Variants in CPNE2 observed in about 807,000 individuals in gnomAD.
CPNE2 encodes copine-2.
In CPNE2, 42 loss-of-function variants were observed where a neutral mutation model predicts 69.7. The ratio of observed to expected loss-of-function variants is 0.60; its 90% CI spans 0.47 to 0.78. The LOEUF is 0.78. Among genes scored for constraint, CPNE2 ranks in the 30% least tolerant of loss-of-function variants. The probability of loss-of-function intolerance (pLI) is 0.00; values close to 1 mark genes in which losing one functional copy is unlikely to be tolerated. For missense variants in CPNE2, 587 were observed against 732.0 expected, an observed-to-expected ratio of 0.80 and a Z score of 2.29; for synonymous variants, 294 against 289.8, an observed-to-expected ratio of 1.01 and a Z score of -0.15.
chr16:57,118,167 CTTTT>C (rs375042587), intron 5 of CPNE2, among the ~76,000 whole-genome samples: 2 of 135,950 alleles, frequency 1.5e-5, no homozygotes, highest in African/African-American at 2.7e-5. Context: ...TACTTTCTTT[CTTTT>C]TTTTTTTTTT....
chr16:57,115,701 G>A (rs1374004463), intron 4 of CPNE2, 151 bp downstream of exon 4: 5 of 581,278 alleles, frequency 8.6e-6, no homozygotes, highest in South Asian at 4.5e-5. Flanking sequence ...CTTAGCAACC[G>A]GCTGCTGGCT....
At position 57,121,171 on chromosome 16, in the gene CPNE2, G is replaced by A. The variant is rs1453723027; in HGVS notation, c.760G>A (p.Glu254Lys). The change falls in exon 8 of 16, where the codon GAG (glutamate) becomes AAG (lysine). Residue 254 changes from glutamate to lysine, a missense_variant. Transcript: ENST00000290776. ...CCAGACCTCAGTGTCACAGATGTGT[G>A]AGGCTCGAGACAGCGTCCCGGTGAG... ...EFQTSVSQMC[E>K]ARDSVPLEFE... 3 of 1,613,908 alleles carry A rather than the reference G, an allele frequency of 1.9e-6. No homozygotes were observed. Among genetic ancestry groups the A allele is most frequent in the Admixed American group, 1.7e-5 (1 of 59,976 alleles).
rs750239400 is a variant in CPNE2, at chr16:57,119,245, C to T, written c.558C>T (p.Asp186=). 52 of 1,614,014 alleles carry T rather than the reference C, an allele frequency of 3.2e-5. 1 individual carries two copies. Among genetic ancestry groups the T allele is most frequent in the Middle Eastern group, 1.6e-4 (1 of 6,084 alleles). ...TTCTGGAGTTTTATAAGCCAGGAGA[C>T]GATGGCAAGTGGATGCTGGTCCACA... ...DPFLEFYKPG[D]DGKWMLVHRT... The change falls in exon 6 of 16, where the codon GAC becomes GAT. Residue 186 remains aspartate, a synonymous_variant. Transcript: ENST00000290776.
At chr16:57,098,450 TGC>T (rs1158983602) in intron 1 of CPNE2, among the ~76,000 whole-genome samples, 1 of 152,204 alleles carries the variant, frequency 6.6e-6, no homozygotes, top group Non-Finnish European at 1.5e-5. Context: ...GCAATGGGCA[TGC>T]GGCAAGGGCC....
chr16:57,113,094 TGG>T (rs1196038952), intron 2 of CPNE2, 192 bp from the exon 3 acceptor site: 13 of 571,040 alleles, frequency 2.3e-5, no homozygotes, highest in Non-Finnish European at 3.1e-5. Context: ...TGTCCAGCCC[TGG>T]GGAAGTCACT....
At chr16:57,125,361 C>T in intron 10 of CPNE2, 1 of 456,122 alleles carries the variant, frequency 2.2e-6, no homozygotes, top group Non-Finnish European at 4.4e-6. Flanking sequence ...CAGGCAACCC[C>T]AGGTCCCAGG....
At chr16:57,121,034 G>A (rs1242156605) in intron 7 of CPNE2, 59 bp from the exon 8 acceptor site, 21 of 1,318,914 alleles carry the variant, frequency 1.6e-5, no homozygotes, top group Non-Finnish European at 1.9e-5. Context: ...GAGTTGAGAG[G>A]GGCTGGAGAG....
chr16:57,101,724 T>A (rs149776161), intron 1 of CPNE2, among the ~76,000 whole-genome samples: 314 of 152,306 alleles, frequency 2.1e-3, no homozygotes, highest in African/African-American at 7.1e-3. Context: ...CAGCATCAGC[T>A]GTAGCTTGTT....
chr16:57,133,679 TG>T (rs2069855198), intron 12 of CPNE2, among the ~76,000 whole-genome samples: 1 of 152,088 alleles, frequency 6.6e-6, no homozygotes, highest in East Asian at 1.9e-4. Flanking sequence ...TGAAAATCCC[TG>T]GGGGAGGAAT....
chr16:57,124,548 T>C (rs1313255398), intron 10 of CPNE2: 2 of 335,108 alleles, frequency 6.0e-6, no homozygotes, highest in East Asian at 8.6e-5. Context: ...AACTGGCACA[T>C]AGCAGGTGCT....
At position 57,095,356 on chromosome 16, in the gene CPNE2, C is replaced by A. The variant is rs936847898; in HGVS notation, c.-36+2566C>A. 2.0e-5 allele frequency among the ~76,000 whole-genome samples: 3 copies of A among 152,376 alleles called. No homozygotes were observed. In the South Asian group the frequency reaches 6.2e-4, roughly 32 times the overall value. On this transcript the variant is annotated intron_variant, in intron 1 of 15. Transcript: ENST00000290776. ...TTAGAGGCGCCTCCTGGCTCACATCCCAATGTCTTCTGCCCTCATTGGGCC... is the reference window on the plus strand; with the variant it reads ...TTAGAGGCGCCTCCTGGCTCACATCACAATGTCTTCTGCCCTCATTGGGCC...
At chr16:57,138,117 G>A (rs1221800865) in intron 14 of CPNE2, among the ~76,000 whole-genome samples, 1 of 152,184 alleles carries the variant, frequency 6.6e-6, no homozygotes, top group African/African-American at 2.4e-5. Context: ...GGGGAATCAG[G>A]CACCCAGCCC....
intron 13 of CPNE2, 115 bp from the exon 14 acceptor site, chr16:57,137,034 A>C: frequency 2.3e-5 from 32 of 1,404,410 alleles, no homozygotes; most frequent in Non-Finnish European, 2.8e-5. Context: ...GGCCTATGCT[A>C]GCCATGGCAG....
At chr16:57,112,442 C>G (rs2069687604) in intron 2 of CPNE2, among the ~76,000 whole-genome samples, 1 of 152,148 alleles carries the variant, frequency 6.6e-6, no homozygotes, top group African/African-American at 2.4e-5. Flanking sequence ...CCTCTGCCCC[C>G]ACCCAGGCCA....
intron 1 of CPNE2, among the ~76,000 whole-genome samples, chr16:57,100,882 C>T (rs1373202041): frequency 1.3e-5 from 2 of 152,202 alleles, no homozygotes; most frequent in Non-Finnish European, 2.9e-5. Context: ...CCCTAACACC[C>T]TGTTTTCCTG....
At chr16:57,145,720 A>G (rs933225543) in intron 14 of CPNE2, 39 of 256,356 alleles carry the variant, frequency 1.5e-4, no homozygotes, top group Non-Finnish European at 2.8e-4. Context: ...TTGCAGATGA[A>G]GAAACTGAGG....
chr16:57,143,893 G>A (rs139934314), intron 14 of CPNE2: 132 of 152,472 alleles, frequency 8.7e-4, no homozygotes, highest in Middle Eastern at 6.8e-3. Flanking sequence ...GAGCTGGAAC[G>A]GGCTTGGAAA....
At chr16:57,115,587 T>TGC in intron 4 of CPNE2, 37 bp downstream of exon 4, 1 of 1,397,238 alleles carries the variant, frequency 7.2e-7, no homozygotes, top group Non-Finnish European at 9.9e-7. Context: ...ACCCCCTCCA[T>TGC]CCCCACCCCA....
chr16:57,120,999 A>G, intron 7 of CPNE2, 94 bp from the exon 8 acceptor site: 4 of 879,522 alleles, frequency 4.5e-6, no homozygotes, highest in Non-Finnish European at 7.1e-6. Context: ...CACTACCCAA[A>G]CAGAAGACAG....
Sources: gnomAD v4.1 joint callset for allele counts (sites outside exome capture counted in the v4.1 genomes callset) on GRCh38, gnomAD v4.1.1 for gene constraint, MANE v1.5 for transcripts, NCBI Gene and HGNC (gene_info 2026-07-23, HGNC 2026-07-21) for gene names.